The following CFAP20DC variants were observed in gnomAD, a reference collection of about 807,000 sequenced individuals.
The protein encoded by CFAP20DC is CFAP20 domain containing.
A neutral mutation model predicts 101.7 loss-of-function variants in CFAP20DC; 84 were observed. The ratio of observed to expected loss-of-function variants is 0.83; its 90% CI spans 0.69 to 0.99. The LOEUF (loss-of-function observed/expected upper bound fraction) is 0.99, where lower values mean the gene tolerates loss of function less well. Among genes scored for constraint, CFAP20DC ranks in the 50% least tolerant of loss-of-function variants. The pLI is 0.00. For missense variants in CFAP20DC, 1,007 were observed against 970.3 expected, an observed-to-expected ratio of 1.04 and a Z score of -0.50; for synonymous variants, 359 against 351.2, an observed-to-expected ratio of 1.02 and a Z score of -0.25.
chr3:59,028,694 G>A (rs1427400952), intron 4 of CFAP20DC, among the ~76,000 whole-genome samples: 1 of 152,116 alleles, frequency 6.6e-6, no homozygotes, highest in African/African-American at 2.4e-5. Flanking sequence ...ATCCTTTCTA[G>A]GTTTCAGTTC....
intron 4 of CFAP20DC, among the ~76,000 whole-genome samples, chr3:59,008,128 GA>G (rs1301835959): frequency 6.6e-6 from 1 of 152,150 alleles, no homozygotes; most frequent in African/African-American, 2.4e-5. Flanking sequence ...CAGCCCCACA[GA>G]AGAAGCACAC....
chr3:58,825,765 T>C (rs1021579762), intron 14 of CFAP20DC, among the ~76,000 whole-genome samples: 2 of 152,220 alleles, frequency 1.3e-5, no homozygotes, highest in African/African-American at 4.8e-5. Context: ...ATTGTTTTAA[T>C]TGAATTTGGT....
chr3:58,863,341 A>G lies in CFAP20DC; in HGVS notation c.1593+217T>C. The G allele has an allele frequency of 4.2e-6, 6 of 1,416,288 alleles. No homozygotes were observed. The highest frequency in any genetic ancestry group is 5.5e-6 in the Non-Finnish European group (6 of 1,092,468). 87.7% of individuals were successfully genotyped at this position (1,416,288 alleles called of 1,614,324 possible). A position where few individuals can be genotyped will look rare whatever the true frequency, so the allele number is the denominator to read the frequency against. On this transcript the variant is annotated intron_variant, in intron 12 of 16. Transcript: ENST00000482387. This position sits in a 1 kb window ranked among gnomAD's most constrained non-coding sequence, Gnocchi z 5.9. ...AAGAAACCCAAAACTGGTTTCTATA[A>G]GTAAAAGTGAAATTGGCTGACTGTT...
rs766576605 is a variant in CFAP20DC, at chr3:58,867,844, T to C, written c.1108A>G (p.Ser370Gly). 1.9e-5 allele frequency: 30 copies of C among 1,613,722 alleles called. No homozygotes were observed. The highest frequency in any genetic ancestry group is 3.3e-5 in the South Asian group (3 of 91,052). ...NRRRLRLKST[S>G]RERTETPSGS... ...CTGGGTGTCTCTGTCCTTTCTCTGC[T>C]GGTACTTTTTAACCGTAATCTTCTT... The change falls in exon 10 of 17, where the codon AGC becomes GGC. Residue 370 changes from serine to glycine, a missense_variant. Physicochemically the swap from Ser to Gly is moderately conservative, Grantham distance 56 (BLOSUM62 0). Coordinates refer to ENST00000482387, the MANE Select transcript of CFAP20DC (RefSeq NM_001394063.1).
intron 7 of CFAP20DC, among the ~76,000 whole-genome samples, chr3:58,871,312 G>A (rs2080189978): frequency 6.6e-6 from 1 of 152,118 alleles, no homozygotes; most frequent in Admixed American, 6.5e-5. Flanking sequence ...GGGTCATACT[G>A]AAAAGAGCCT....
intron 14 of CFAP20DC, among the ~76,000 whole-genome samples, chr3:58,807,696 G>A (rs980373721): frequency 8.5e-5 from 13 of 152,172 alleles, no homozygotes; most frequent in Admixed American, 7.2e-4. Context: ...CCTCAGCAAC[G>A]GAACAAAGCT....
At chr3:58,723,983 TG>T (rs2067510747) in intron 3 of CFAP20DC, among the ~76,000 whole-genome samples, 1 of 152,158 alleles carries the variant, frequency 6.6e-6, no homozygotes, top group Non-Finnish European at 1.5e-5. Flanking sequence ...CTGTCTCACG[TG>T]GATAGAGGAC....
Position 59,015,152 on chromosome 3 carries a change from C to T in CFAP20DC, c.278+24405G>A, listed in dbSNP as rs557673089. On this transcript the variant is annotated intron_variant, in intron 4 of 16. Transcript: ENST00000482387. The surrounding 1 kb of genome is among the most constrained non-coding windows in gnomAD (Gnocchi z 5.4). ...AGGTGCGGGAGGAGGCAGGCTTGGA[C>T]CCTGAATAATCCTGCAGGTGCCTTG... 2.6e-5 allele frequency among the ~76,000 whole-genome samples: 4 copies of T among 152,112 alleles called. No homozygotes were observed. In the South Asian group the frequency reaches 8.3e-4, roughly 32 times the overall value.
chr3:58,793,643 C>T (rs953927740), intron 15 of CFAP20DC, among the ~76,000 whole-genome samples: 1 of 152,084 alleles, frequency 6.6e-6, no homozygotes, highest in African/African-American at 2.4e-5. Context: ...AGATTCTCAC[C>T]CCCTACCCTC....
intron 15 of CFAP20DC, among the ~76,000 whole-genome samples, chr3:58,787,876 T>G (rs1170666070): frequency 6.6e-6 from 1 of 151,620 alleles, no homozygotes; most frequent in African/African-American, 2.4e-5. Context: ...TCTCAGCAAA[T>G]TAACACACAA....
At chr3:58,935,544 C>T (rs1370482996) in intron 5 of CFAP20DC, among the ~76,000 whole-genome samples, 3 of 152,036 alleles carry the variant, frequency 2.0e-5, no homozygotes, top group African/African-American at 7.3e-5. Flanking sequence ...CTACAGTAAC[C>T]AAAACAGCAT....
chr3:58,807,063 A>G (rs112340317), intron 14 of CFAP20DC, among the ~76,000 whole-genome samples: 18,202 of 152,196 alleles, frequency 0.12, 1,962 homozygotes, highest in East Asian at 0.35. Context: ...CAAAGCAGCC[A>G]GGAAGCTCGA....
chr3:58,807,188 T>C (rs1050440877), intron 14 of CFAP20DC, among the ~76,000 whole-genome samples: 1 of 152,212 alleles, frequency 6.6e-6, no homozygotes, highest in Non-Finnish European at 1.5e-5. Context: ...TAAGTGTCCC[T>C]GTCTGACAGC....
chr3:58,759,163 A>T (rs1219268721), intron 15 of CFAP20DC, among the ~76,000 whole-genome samples: 1 of 151,882 alleles, frequency 6.6e-6, no homozygotes, highest in Non-Finnish European at 1.5e-5. Flanking sequence ...AACAGTGTAA[A>T]AGTGTTCCTA....
At chr3:58,836,035 AT>A (rs756756765) in intron 13 of CFAP20DC, among the ~76,000 whole-genome samples, 2 of 152,274 alleles carry the variant, frequency 1.3e-5, no homozygotes, top group Admixed American at 6.5e-5. Context: ...GCTGAAGGCT[AT>A]GTACAATTCA....
rs1285951149 is a variant in CFAP20DC at position 59,049,870 on chromosome 3, G to C, written c.-239C>G. On this transcript the variant is annotated 5_prime_UTR_variant, in exon 1 of 17. Coordinates refer to ENST00000482387, the MANE Select transcript of CFAP20DC (RefSeq NM_001394063.1). Reference sequence around the variant, plus strand: ...CAGCCTCCGCGGTGCCCGGGTCTGGGGAGGGCGCAGCTGCCTGGACGGACT... The same window carrying C: ...CAGCCTCCGCGGTGCCCGGGTCTGGCGAGGGCGCAGCTGCCTGGACGGACT... 1 of 586,748 alleles carries C rather than the reference G, an allele frequency of 1.7e-6. No individual in the cohort carries two copies. The highest frequency in any genetic ancestry group is 3.0e-6 in the Non-Finnish European group (1 of 331,374). 36.3% of individuals were successfully genotyped at this position (586,748 alleles called of 1,614,324 possible). A position where few individuals can be genotyped will look rare whatever the true frequency, so the allele number is the denominator to read the frequency against.
intron 16 of CFAP20DC, among the ~76,000 whole-genome samples, chr3:58,743,074 C>G (rs190189685): frequency 4.1e-4 from 62 of 152,182 alleles, no homozygotes; most frequent in African/African-American, 1.4e-3. Flanking sequence ...ATACATAGAA[C>G]AGACAACATA....
chr3:59,004,299 C>T (rs531730687), intron 4 of CFAP20DC, among the ~76,000 whole-genome samples: 27 of 152,226 alleles, frequency 1.8e-4, no homozygotes, highest in Middle Eastern at 3.4e-3. Context: ...AAGGCTCTTC[C>T]TGCTTCTTGG....
Position 58,914,530 on chromosome 3 carries a change from A to G in CFAP20DC, c.394-666T>C, listed in dbSNP as rs937079837. 6.6e-6 allele frequency among the ~76,000 whole-genome samples: 1 copy of G among 152,094 alleles called. No homozygotes were observed. Among genetic ancestry groups the G allele is most frequent in the East Asian group, 1.9e-4 (1 of 5,196 alleles). On this transcript the variant is annotated intron_variant, in intron 5 of 16. Coordinates refer to ENST00000482387, the MANE Select transcript of CFAP20DC (RefSeq NM_001394063.1). The surrounding 1 kb of genome is among the most constrained non-coding windows in gnomAD (Gnocchi z 4.9). ...AAAAAAATCATTTGGCAAGAAACAA[A>G]GACATATTTAAGACTGTAGGACAAA...
Sources: allele counts gnomAD v4.1 joint callset (sites outside exome capture counted in the v4.1 genomes callset), GRCh38; gene constraint gnomAD v4.1.1; non-coding constraint Gnocchi (gnomAD v3.1); transcripts MANE v1.5; gene names NCBI Gene and HGNC (gene_info 2026-07-23, HGNC 2026-07-21).